ARAP1: variants seen among roughly 807,000 people sequenced by gnomAD.
ARAP1 encodes arf-GAP with Rho-GAP domain, ANK repeat and PH domain-containing protein 1.
In ARAP1, 76 loss-of-function variants were observed where a neutral mutation model predicts 172.2. The observed-to-expected ratio is 0.44, with a 90% CI of 0.37 to 0.53. ARAP1 has a LOEUF of 0.53. Among genes scored for constraint, ARAP1 ranks in the 20% least tolerant of loss-of-function variants. The pLI, the probability that ARAP1 is intolerant of heterozygous loss-of-function variation, is 0.00. For missense variants in ARAP1, 1,686 were observed against 1,977.5 expected (o/e 0.85, Z 2.80); for synonymous variants, 804 against 803.3 (o/e 1.00, Z -0.01).
intron 4 of ARAP1, among the ~76,000 whole-genome samples, chr11:72,713,870 GCAAAC>G (rs1857155564): frequency 6.7e-6 from 1 of 149,982 alleles, no homozygotes; most frequent in Non-Finnish European, 1.5e-5. Flanking sequence ...AAAAAGAAAA[GCAAAC>G]CACCCAACAC....
chr11:72,749,593 C>A (rs549400384), intron 1 of ARAP1, among the ~76,000 whole-genome samples: 1 of 152,130 alleles, frequency 6.6e-6, no homozygotes, highest in Non-Finnish European at 1.5e-5. Context: ...AAAGAATGTT[C>A]CCTCTCCCAG....
intron 1 of ARAP1, among the ~76,000 whole-genome samples, chr11:72,736,863 G>A (rs1303227431): frequency 6.6e-6 from 1 of 152,148 alleles, no homozygotes; most frequent in Non-Finnish European, 1.5e-5. Context: ...TGCTCAAGTT[G>A]TCAGTGACAT....
chr11:72,717,554 C>G (rs1474894749), intron 3 of ARAP1, among the ~76,000 whole-genome samples: 2 of 152,234 alleles, frequency 1.3e-5, no homozygotes, highest in Admixed American at 1.3e-4. Context: ...TCCTGATCAA[C>G]TGCGACGGGT....
chr11:72,740,853 C>T (rs1446773087), intron 1 of ARAP1, among the ~76,000 whole-genome samples: 2 of 152,160 alleles, frequency 1.3e-5, no homozygotes, highest in Non-Finnish European at 2.9e-5. Context: ...CACCATCAGA[C>T]CCCACCCTGG....
intron 3 of ARAP1, among the ~76,000 whole-genome samples, chr11:72,717,057 G>A (rs1857305469): frequency 6.6e-6 from 1 of 152,290 alleles, no homozygotes; most frequent in African/African-American, 2.4e-5. Flanking sequence ...GCAATAGCAT[G>A]TGGACAAGGT....
intron 18 of ARAP1, 58 bp from the exon 19 acceptor site, chr11:72,698,164 C>T: frequency 6.7e-7 from 1 of 1,495,314 alleles, no homozygotes; most frequent in Non-Finnish European, 9.0e-7. Flanking sequence ...TGCCCCAATG[C>T]CCCAGCTCCT....
Position 72,725,044 on chromosome 11 carries a change from AC to A in ARAP1, c.509+1575del, listed in dbSNP as rs1857643856. On this transcript the variant is annotated intron_variant, in intron 3 of 34. Transcript: ENST00000393609. The surrounding 1 kb of genome is among the most constrained non-coding windows in gnomAD (Gnocchi z 4.3). ...AGGGCCCAGAAGTCTATGGAGGACC[AC>A]AGAGGGCACCTGATGGGGAAACAGG... Among the ~76,000 whole-genome samples the A allele has an allele frequency of 6.6e-6, 1 of 152,152 alleles. No homozygotes were observed. Among genetic ancestry groups the A allele is most frequent in the Admixed American group, 6.5e-5 (1 of 15,284 alleles).
rs1299521358 is a variant in ARAP1, at chr11:72,725,783, C to A, written c.509+837G>T. On this transcript the variant is annotated intron_variant, in intron 3 of 34. Transcript: ENST00000393609. This position sits in a 1 kb window ranked among gnomAD's most constrained non-coding sequence, Gnocchi z 4.3. ...GAAACACAGAGCCCAGCAGAGTGCCCAGCAATAAACAAACAGGGACCAGGA... is the reference window on the plus strand; with the variant it reads ...GAAACACAGAGCCCAGCAGAGTGCCAAGCAATAAACAAACAGGGACCAGGA... Among the ~76,000 whole-genome samples the A allele has an allele frequency of 1.3e-5, 2 of 152,094 alleles. No homozygotes were observed. Among genetic ancestry groups the A allele is most frequent in the African/African-American group, 4.8e-5 (2 of 41,418 alleles).
At chr11:72,687,794 C>A (rs1274137828) in intron 31 of ARAP1, 56 bp from the exon 32 acceptor site, 8 of 1,596,582 alleles carry the variant, frequency 5.0e-6, no homozygotes, top group African/African-American at 1.3e-5. Context: ...AGGCTCAACA[C>A]CCCAGTTCCC....
Position 72,726,010 on chromosome 11 carries a change from C to T in ARAP1, c.509+610G>A, listed in dbSNP as rs1287441770. Among the ~76,000 whole-genome samples, 1 of 152,048 alleles carries T rather than the reference C, an allele frequency of 6.6e-6. No individual in the cohort carries two copies. The highest frequency in any genetic ancestry group is 6.5e-5 in the Admixed American group (1 of 15,268). On this transcript the variant is annotated intron_variant, in intron 3 of 34. Transcript: ENST00000393609. This position sits in a 1 kb window ranked among gnomAD's most constrained non-coding sequence, Gnocchi z 6.5. ...GATTAACATGGAATATCCACAGGAG[C>T]CAGAGGAAACTCAAGAAAACACAGG...
In ARAP1 at chr11:72,685,749, TG is replaced by T. The variant is rs1855644291; in HGVS notation, c.4336-69del. 31 of 1,571,194 alleles carry T rather than the reference TG, an allele frequency of 2.0e-5. No individual in the cohort carries two copies. The East Asian group carries it at 7.4e-4, about 38-fold the overall frequency. Reference sequence around the variant, plus strand: ...AGAGGGGCTGGCGCCCCGCTGAAGCTGCTGCAGCTGCTGCAGCCACTCTCCA... The same window carrying T: ...AGAGGGGCTGGCGCCCCGCTGAAGCTCTGCAGCTGCTGCAGCCACTCTCCA... On this transcript the variant is annotated intron_variant, in intron 34 of 34. Transcript: ENST00000393609.
chr11:72,689,580 G>A (rs1360873469), intron 30 of ARAP1: 1 of 152,450 alleles, frequency 6.6e-6, no homozygotes, highest in African/African-American at 2.4e-5. Context: ...TTTGGGAACT[G>A]GTGGACTTCC....
chr11:72,685,730 G>C (rs1270326199), intron 34 of ARAP1, 49 bp from the exon 35 acceptor site: 2 of 1,612,456 alleles, frequency 1.2e-6, no homozygotes. Context: ...GCCCAGAGGG[G>C]CTGGCGCCCC....
rs1856170976 is a variant in ARAP1, at chr11:72,695,982, A to C, written c.3273-117T>G. The C allele has an allele frequency of 7.7e-7, 1 of 1,296,714 alleles. No individual in the cohort carries two copies. The highest frequency in any genetic ancestry group is 2.5e-5 in the East Asian group (1 of 39,580). The allele number at this position is 1,296,714 out of a possible 1,614,324, so 80.3% of individuals were successfully genotyped here. On this transcript the variant is annotated intron_variant, in intron 23 of 34. Coordinates refer to ENST00000393609, the MANE Select transcript of ARAP1 (RefSeq NM_001040118.3). This position sits in a 1 kb window ranked among gnomAD's most constrained non-coding sequence, Gnocchi z 4.4. ...TGGTCAGAGGGGACCACTGTTTAAC[A>C]GGGTAGGAACAGTTTTTCTGGCCAT... is the stretch of plus-strand genomic sequence containing the variant.
intron 1 of ARAP1, among the ~76,000 whole-genome samples, chr11:72,751,453 T>C (rs1379532206): frequency 6.6e-6 from 1 of 152,106 alleles, no homozygotes; most frequent in Non-Finnish European, 1.5e-5. Context: ...GGGCTCCTTC[T>C]ACCCTGTGAT....
Position 72,697,494 on chromosome 11 carries a change from A to T in ARAP1, c.2790-8T>A. 1 of 1,612,464 alleles carries T rather than the reference A, an allele frequency of 6.2e-7. No homozygotes were observed. On this transcript the variant is annotated splice_polypyrimidine_tract_variant and splice_region_variant and intron_variant, in intron 20 of 34. Coordinates refer to ENST00000393609, the MANE Select transcript of ARAP1 (RefSeq NM_001040118.3). ...CCCTGTATGTACAGTGTCCTGGGCC[A>T]GGGACAGTCAGTCACTGAGGGGCCT...
chr11:72,747,854 C>T (rs1236444387), intron 1 of ARAP1, among the ~76,000 whole-genome samples: 4 of 152,216 alleles, frequency 2.6e-5, no homozygotes, highest in Non-Finnish European at 5.9e-5. Flanking sequence ...CACCCCAGAT[C>T]CACAGTTGGT....
rs190216879 is a variant in ARAP1, at chr11:72,696,603, C to T, written c.3218G>A (p.Arg1073Gln). 2.1e-5 allele frequency: 34 copies of T among 1,606,054 alleles called. No individual in the cohort carries two copies. Among genetic ancestry groups the T allele is most frequent in the East Asian group, 1.8e-4 (8 of 44,496 alleles). The change falls in exon 23 of 35, where the codon CGG (arginine) becomes CAG (glutamine). Residue 1073 changes from arginine (R) to glutamine (Q), a missense_variant. Physicochemically the swap from Arg to Gln is conservative, Grantham distance 43. Coordinates refer to ENST00000393609, the MANE Select transcript of ARAP1 (RefSeq NM_001040118.3). ...KVSRYRELLV[R>Q]LPPVNRATVK... ...TGTGGCCCGGTTGACAGGGGGCAGC[C>T]GCACCAGCAGCTCTCGGTACCTGGA...
chr11:72,697,621 C>T lies in ARAP1; in HGVS notation c.2766G>A (p.Val922=). 1.2e-6 allele frequency: 2 copies of T among 1,614,152 alleles called. No homozygotes were observed. Among genetic ancestry groups the T allele is most frequent in the Non-Finnish European group, 1.7e-6 (2 of 1,179,986 alleles). ...ACCTCCTTCGCTCCACCAGCACCAG[C>T]ACCTGGTTCTCACTGTCCCCCTGGA... ...LSIQGDSENQ[V]LVLVERRRTL... Residue 922 remains valine, a synonymous_variant, in exon 20 of 35, where the codon GTG becomes GTA. Coordinates refer to ENST00000393609, the MANE Select transcript of ARAP1 (RefSeq NM_001040118.3).
Sources: gnomAD v4.1 joint callset for allele counts (sites outside exome capture counted in the v4.1 genomes callset) on GRCh38, gnomAD v4.1.1 for gene constraint, Gnocchi (gnomAD v3.1) non-coding constraint, MANE v1.5 for transcripts, NCBI Gene and HGNC (gene_info 2026-07-23, HGNC 2026-07-21) for gene names.